Variants in CUL9 observed in about 807,000 individuals in gnomAD.
The protein encoded by CUL9 is cullin-9.
CUL9 carries 79 observed loss-of-function variants against 272.6 expected under a neutral mutation model. The observed-to-expected ratio is 0.29, with a 90% CI of 0.24 to 0.35. The LOEUF (loss-of-function observed/expected upper bound fraction) is 0.35. Among genes scored for constraint, CUL9 ranks in the 10% least tolerant of loss-of-function variants. The pLI, the probability that CUL9 is intolerant of heterozygous loss-of-function variation, is 1.00. For missense variants in CUL9, 2,532 were observed against 3,255.6 expected (o/e 0.78, Z 5.41); for synonymous variants, 1,186 against 1,286.5 (o/e 0.92, Z 1.67).
chr6:43,194,077 A>T (rs1182693323), intron 9 of CUL9, among the ~76,000 whole-genome samples: 1 of 152,064 alleles, frequency 6.6e-6, no homozygotes, highest in African/African-American at 2.4e-5. Flanking sequence ...CTTCCTGGTT[A>T]CTCCAGACAG....
Position 43,223,182 on chromosome 6 carries a change from A to G in CUL9, c.7151-82A>G. On this transcript the variant is annotated intron_variant, in intron 38 of 40. Transcript: ENST00000252050. The surrounding 1 kb of genome is among the most constrained non-coding windows in gnomAD (Gnocchi z 4.1). The stretch of plus-strand genomic sequence containing the variant: ...TCTAGAGCTGCACCTGGTGCTTGGT[A>G]GACGTTCCATAGGTGTTTGTTGGAG... 1 of 1,488,328 alleles carries G rather than the reference A, an allele frequency of 6.7e-7. No homozygotes were observed. Among genetic ancestry groups the G allele is most frequent in the Non-Finnish European group, 9.0e-7 (1 of 1,106,714 alleles). 92.2% of individuals were successfully genotyped at this position (1,488,328 alleles called of 1,614,324 possible).
chr6:43,193,015 A>C lies in CUL9; in HGVS notation c.2195A>C (p.Lys732Thr). The C allele has an allele frequency of 6.2e-7, 1 of 1,614,058 alleles. No individual in the cohort carries two copies. The highest frequency in any genetic ancestry group is 8.5e-7 in the Non-Finnish European group (1 of 1,179,948). Residue 732 changes from lysine (K) to threonine (T), a missense_variant, in exon 9 of 41, where the codon AAG becomes ACG. Lys to Thr is a moderately conservative substitution (Grantham distance 78). Coordinates refer to ENST00000252050, the MANE Select transcript of CUL9 (RefSeq NM_015089.4). ...PDRSLREKLV[K>T]MLVELLTNQV... ...TCTCTTGTCAGAGAGAAGCTAGTGA[A>C]GATGCTGGTGGAGCTGCTGACCAAC...
At chr6:43,190,033 C>T (rs866763906) in intron 8 of CUL9, among the ~76,000 whole-genome samples, 3 of 150,770 alleles carry the variant, frequency 2.0e-5, no homozygotes, top group Non-Finnish European at 3.0e-5. Flanking sequence ...TTTTTTTGCC[C>T]CCGCTCAGTG....
rs574164008 is a variant in CUL9 at position 43,221,134 on chromosome 6, C to T, written c.6589-24C>T. The T allele has an allele frequency of 6.2e-7, 1 of 1,607,718 alleles. No individual in the cohort carries two copies. Among genetic ancestry groups the T allele is most frequent in the Non-Finnish European group, 8.5e-7 (1 of 1,178,644 alleles). On this transcript the variant is annotated intron_variant, in intron 33 of 40. Coordinates refer to ENST00000252050, the MANE Select transcript of CUL9 (RefSeq NM_015089.4). The surrounding 1 kb of genome is among the most constrained non-coding windows in gnomAD (Gnocchi z 4.2). Reference sequence around the variant, plus strand: ...TGCTGCCCTCACGGCTCAGCTGTGTCCCCACCATGCCCTCTTGCCTTAGGC... The same window carrying T: ...TGCTGCCCTCACGGCTCAGCTGTGTTCCCACCATGCCCTCTTGCCTTAGGC...
rs997367807 is a variant in CUL9, at chr6:43,213,215, C to T, written c.5279C>T (p.Ala1760Val). 6.2e-7 allele frequency: 1 copy of T among 1,614,038 alleles called. No individual in the cohort carries two copies. The highest frequency in any genetic ancestry group is 8.5e-7 in the Non-Finnish European group (1 of 1,180,038). The part of the protein sequence containing the change: ...RRLQWTWLGR[A>V]ELQFGKQILH... ...CTGCAGTGGACGTGGCTGGGCCGGG[C>T]TGAGCTGCAGTTTGGGAAGCAGATA... is the stretch of plus-strand genomic sequence containing the variant. The change falls in exon 27 of 41, where the codon GCT becomes GTT. Residue 1760 changes from alanine (A) to valine (V), a missense_variant. By Grantham distance (64) the Ala-to-Val change is moderately conservative (BLOSUM62 0). Around this residue, in one of 3 missense-constraint regions of CUL9, gnomAD observed 2,218 missense variants for 2,788.6 expected, o/e 0.80. Transcript: ENST00000252050. This position sits in a 1 kb window ranked among gnomAD's most constrained non-coding sequence, Gnocchi z 5.7.
chr6:43,201,734 C>T (rs1181570433), intron 16 of CUL9, among the ~76,000 whole-genome samples: 2 of 152,226 alleles, frequency 1.3e-5, no homozygotes, highest in African/African-American at 4.8e-5. Flanking sequence ...CCGCCTTGGC[C>T]TCCCAAAGTG....
chr6:43,193,241 T>C (rs1469189955), intron 9 of CUL9, 33 bp downstream of exon 9: 2 of 1,599,452 alleles, frequency 1.3e-6, no homozygotes, highest in African/African-American at 2.7e-5. Flanking sequence ...GAGAGAACAA[T>C]GGGCAAGACA....
chr6:43,203,378 A>C lies in CUL9; in HGVS notation c.3850-39A>C. The C allele has an allele frequency of 6.2e-7, 1 of 1,610,968 alleles. No individual in the cohort carries two copies. The highest frequency in any genetic ancestry group is 8.5e-7 in the Non-Finnish European group (1 of 1,178,308). On this transcript the variant is annotated intron_variant, in intron 18 of 40. Transcript: ENST00000252050. The surrounding 1 kb of genome is among the most constrained non-coding windows in gnomAD (Gnocchi z 5.0). The stretch of plus-strand genomic sequence containing the variant: ...TGGCTTTGGTAGTACTTAGTGGCTC[A>C]AGCGGCTTGGGTGACAGATAAGTCT...
intron 17 of CUL9, 65 bp downstream of exon 17, chr6:43,202,886 G>GACAAA: frequency 6.8e-7 from 1 of 1,477,920 alleles, no homozygotes; most frequent in Non-Finnish European, 9.4e-7. Flanking sequence ...GTGCCTGTGG[G>GACAAA]AAGGACCTAG....
In CUL9 at chr6:43,193,011, G is replaced by A. The variant is rs1773669084; in HGVS notation, c.2191G>A (p.Val731Met). ...RPDRSLREKL[V>M]KMLVELLTNQ... ...CTCTTCTCTTGTCAGAGAGAAGCTA[G>A]TGAAGATGCTGGTGGAGCTGCTGAC... Residue 731 changes from valine to methionine, a missense_variant, in exon 9 of 41, where the codon GTG (valine) becomes ATG (methionine). Physicochemically the swap from Val to Met is conservative, Grantham distance 21 (BLOSUM62 1). Transcript: ENST00000252050. 4 of 1,613,964 alleles carry A rather than the reference G, an allele frequency of 2.5e-6. No individual in the cohort carries two copies. In the African/African-American group the frequency reaches 4.0e-5, roughly 16 times the overall value.
chr6:43,187,703 C>G lies in CUL9; in HGVS notation c.1582-10C>G. The G allele has an allele frequency of 6.2e-7, 1 of 1,611,022 alleles. No individual in the cohort carries two copies. The highest frequency in any genetic ancestry group is 8.5e-7 in the Non-Finnish European group (1 of 1,179,222). On this transcript the variant is annotated splice_polypyrimidine_tract_variant and intron_variant, in intron 6 of 40. Coordinates refer to ENST00000252050, the MANE Select transcript of CUL9 (RefSeq NM_015089.4). Reference sequence around the variant, plus strand: ...CTTGTCTCTTAAACGTATACCCCTTCTGTTGACAGACCCTGGGTGAAAAGG... The same window carrying G: ...CTTGTCTCTTAAACGTATACCCCTTGTGTTGACAGACCCTGGGTGAAAAGG...
chr6:43,217,103 C>T (rs1265788663), intron 31 of CUL9, among the ~76,000 whole-genome samples: 1 of 152,150 alleles, frequency 6.6e-6, no homozygotes, highest in Non-Finnish European at 1.5e-5. Context: ...TGCCTATAAT[C>T]CCAGCACTTT....
At position 43,185,437 on chromosome 6, in the gene CUL9, G is replaced by C; in HGVS notation, c.596-19G>C. The C allele has an allele frequency of 1.2e-6, 2 of 1,610,704 alleles. No homozygotes were observed. The highest frequency in any genetic ancestry group is 1.7e-6 in the Non-Finnish European group (2 of 1,178,326). ...TACTGGGGATTGAGGAGAAGATATG[G>C]ATTGGGTATGGATTACAGGGAGTCG... On this transcript the variant is annotated intron_variant, in intron 2 of 40. Transcript: ENST00000252050.
At chr6:43,188,438 T>G in intron 7 of CUL9, 85 bp from the exon 8 acceptor site, 2 of 1,291,290 alleles carry the variant, frequency 1.5e-6, no homozygotes, top group African/African-American at 1.5e-5. Flanking sequence ...TAAATATTGG[T>G]AGGATAACTG....
At chr6:43,201,605 G>T (rs927479991) in intron 16 of CUL9, among the ~76,000 whole-genome samples, 2 of 152,126 alleles carry the variant, frequency 1.3e-5, no homozygotes, top group Non-Finnish European at 2.9e-5. Flanking sequence ...TCAGCCTCCC[G>T]AGTAGCTGGG....
At chr6:43,204,658 AC>A in intron 21 of CUL9, 89 bp from the exon 22 acceptor site, 2 of 1,578,456 alleles carry the variant, frequency 1.3e-6, no homozygotes, top group South Asian at 2.3e-5. Flanking sequence ...CCTGAGACCT[AC>A]TGGCCTTTCC....
chr6:43,203,695 A>G lies in CUL9; in HGVS notation c.4025+103A>G. 1 of 1,520,558 alleles carries G rather than the reference A, an allele frequency of 6.6e-7. No homozygotes were observed. Among genetic ancestry groups the G allele is most frequent in the Non-Finnish European group, 8.9e-7 (1 of 1,125,460 alleles). 94.2% of individuals were successfully genotyped at this position (1,520,558 alleles called of 1,614,324 possible). A position where few individuals can be genotyped will look rare whatever the true frequency, so the allele number is the denominator to read the frequency against. On this transcript the variant is annotated intron_variant, in intron 19 of 40. Transcript: ENST00000252050. The surrounding 1 kb of genome is among the most constrained non-coding windows in gnomAD (Gnocchi z 5.0). The stretch of plus-strand genomic sequence containing the variant: ...TCCGGAAGGGAAAGCTGCAGCCAGG[A>G]CATGAGGGGGAAGGTGAACGTAGGT...
At position 43,200,415 on chromosome 6, in the gene CUL9, T is replaced by A; in HGVS notation, c.3385-21T>A. The A allele has an allele frequency of 6.2e-7, 1 of 1,614,070 alleles. No individual in the cohort carries two copies. The highest frequency in any genetic ancestry group is 1.1e-5 in the South Asian group (1 of 91,070). On this transcript the variant is annotated intron_variant, in intron 14 of 40. Transcript: ENST00000252050. This position sits in a 1 kb window ranked among gnomAD's most constrained non-coding sequence, Gnocchi z 4.0. ...TTCCTCCCTCTCCTCTTCCTCATTC[T>A]CCCTGATGTTCCGGCTGCAGATGGT...
In CUL9 at chr6:43,198,814, T is replaced by C; in HGVS notation, c.3009T>C (p.Asp1003=). The C allele has an allele frequency of 1.2e-6, 2 of 1,613,848 alleles. No individual in the cohort carries two copies. Among genetic ancestry groups the C allele is most frequent in the Non-Finnish European group, 1.7e-6 (2 of 1,180,044 alleles). Residue 1003 remains aspartate (D), a synonymous_variant, in exon 12 of 41, where the codon GAT becomes GAC. Coordinates refer to ENST00000252050, the MANE Select transcript of CUL9 (RefSeq NM_015089.4). ...TCCTCCTGTTGCTGCGGACTCTGGATGCTCCGGGGCCCAACAAGACTCTGC... is the reference window on the plus strand; with the variant it reads ...TCCTCCTGTTGCTGCGGACTCTGGACGCTCCGGGGCCCAACAAGACTCTGC... ...QPFLLLLRTL[D]APGPNKTLLL...
Sources: allele counts gnomAD v4.1 joint callset (sites outside exome capture counted in the v4.1 genomes callset), GRCh38; gene constraint gnomAD v4.1.1; regional missense constraint gnomAD v4.1.1; non-coding constraint Gnocchi (gnomAD v3.1); transcripts MANE v1.5; gene names NCBI Gene and HGNC (gene_info 2026-07-23, HGNC 2026-07-21).